The following GPATCH2 variants were observed in gnomAD, a reference collection of about 807,000 sequenced individuals.
GPATCH2 encodes the protein G-patch domain containing 2, also known as G patch domain-containing protein 2.
GPATCH2 carries 51 observed loss-of-function variants against 58.0 expected under a neutral mutation model. That is an observed-to-expected ratio of 0.88 (90% CI 0.70 to 1.11). The LOEUF is 1.11. Ranked by LOEUF, GPATCH2 falls within the 50% of genes most tolerant of loss-of-function variation. GPATCH2 has a pLI of 0.00. For missense variants in GPATCH2, 625 were observed against 652.2 expected, an observed-to-expected ratio of 0.96 and a Z score of 0.45; for synonymous variants, 222 against 218.5, an observed-to-expected ratio of 1.02 and a Z score of -0.14.
chr1:217,459,128 T>C (rs550410580), intron 8 of GPATCH2, among the ~76,000 whole-genome samples: 95 of 152,322 alleles, frequency 6.2e-4, no homozygotes, highest in African/African-American at 2.2e-3. Context: ...ATAACACTTC[T>C]TTCTTGAACT....
At chr1:217,626,228 A>G (rs1353737066) in intron 1 of GPATCH2, among the ~76,000 whole-genome samples, 1 of 152,208 alleles carries the variant, frequency 6.6e-6, no homozygotes, top group Non-Finnish European at 1.5e-5. Context: ...GGGAATAAAT[A>G]ATCATTAATG....
chr1:217,496,463 TGTTTG>T (rs1367991064), intron 7 of GPATCH2, among the ~76,000 whole-genome samples: 13 of 152,308 alleles, frequency 8.5e-5, no homozygotes, highest in Middle Eastern at 3.4e-3. Flanking sequence ...TTTGTTTGTT[TGTTTG>T]TTTTGCATAA....
intron 5 of GPATCH2, among the ~76,000 whole-genome samples, chr1:217,564,942 T>C (rs1395587173): frequency 6.6e-6 from 1 of 152,154 alleles, no homozygotes; most frequent in Admixed American, 6.5e-5. Flanking sequence ...TAAATACTTT[T>C]GTTCTGCCTC....
intron 6 of GPATCH2, among the ~76,000 whole-genome samples, chr1:217,511,251 C>T (rs1213267138): frequency 6.6e-6 from 1 of 152,038 alleles, no homozygotes; most frequent in Non-Finnish European, 1.5e-5. Context: ...GTTTACAGCC[C>T]GGAAAGATTT....
At chr1:217,559,850 T>A (rs1034209645) in intron 5 of GPATCH2, among the ~76,000 whole-genome samples, 2 of 143,074 alleles carry the variant, frequency 1.4e-5, no homozygotes, top group African/African-American at 5.2e-5. Context: ...GAGACAGAGA[T>A]CAAGAGACAC....
At chr1:217,483,496 T>C (rs1271199044) in intron 8 of GPATCH2, among the ~76,000 whole-genome samples, 2 of 152,130 alleles carry the variant, frequency 1.3e-5, no homozygotes. Context: ...CCCCATTGCT[T>C]TTTTTGGAGA....
intron 6 of GPATCH2, among the ~76,000 whole-genome samples, chr1:217,502,360 T>A (rs1441030985): frequency 6.6e-6 from 1 of 152,050 alleles, no homozygotes; most frequent in Non-Finnish European, 1.5e-5. Flanking sequence ...AACCATGAAG[T>A]CTCTTCATTT....
chr1:217,565,133 T>C (rs1666153417), intron 5 of GPATCH2, among the ~76,000 whole-genome samples: 1 of 152,198 alleles, frequency 6.6e-6, no homozygotes, highest in Admixed American at 6.5e-5. Context: ...TTTGAGATTT[T>C]AGTCACTGAA....
intron 5 of GPATCH2, among the ~76,000 whole-genome samples, chr1:217,569,122 T>TA (rs879715276): frequency 5.6e-4 from 82 of 145,560 alleles, no homozygotes; most frequent in Admixed American, 2.7e-3. Flanking sequence ...ATATTTACTT[T>TA]AAAAAAAAAA....
At chr1:217,564,667 G>A (rs1177569321) in intron 5 of GPATCH2, among the ~76,000 whole-genome samples, 1 of 151,982 alleles carries the variant, frequency 6.6e-6, no homozygotes, top group African/African-American at 2.4e-5. Context: ...TATGTGTGTT[G>A]AACAACCAAG....
intron 5 of GPATCH2, among the ~76,000 whole-genome samples, chr1:217,583,693 A>C (rs1667186072): frequency 6.6e-6 from 1 of 152,052 alleles, no homozygotes. Context: ...CAGGAAGCAC[A>C]ACATAAAAAA....
chr1:217,590,084 G>A (rs970969380), intron 5 of GPATCH2, among the ~76,000 whole-genome samples: 2 of 149,858 alleles, frequency 1.3e-5, no homozygotes, highest in Non-Finnish European at 3.0e-5. Flanking sequence ...GTAGTGGCAC[G>A]ATCTTGGCTC....
chr1:217,435,396 C>A (rs1658776499), intron 9 of GPATCH2, among the ~76,000 whole-genome samples: 1 of 152,160 alleles, frequency 6.6e-6, no homozygotes, highest in Non-Finnish European at 1.5e-5. Flanking sequence ...AGATGAAAAT[C>A]TTGTATCGGC....
At chr1:217,438,607 A>G (rs1223925833) in intron 9 of GPATCH2, among the ~76,000 whole-genome samples, 1 of 152,206 alleles carries the variant, frequency 6.6e-6, no homozygotes, top group African/African-American at 2.4e-5. Flanking sequence ...CAAGCGGAAG[A>G]AAATATATCA....
At chr1:217,606,853 AATC>A (rs2102805749) in intron 5 of GPATCH2, among the ~76,000 whole-genome samples, 1 of 152,314 alleles carries the variant, frequency 6.6e-6, no homozygotes, top group African/African-American at 2.4e-5. Context: ...TAATAGTAAC[AATC>A]ATTTATTTAA....
chr1:217,449,213 C>T (rs1404579641), intron 9 of GPATCH2, 36 bp downstream of exon 9: 4 of 1,040,366 alleles, frequency 3.8e-6, no homozygotes, highest in Non-Finnish European at 6.1e-6. Context: ...ATGAACTCTA[C>T]ATTTGTGCTC....
At chr1:217,475,818 A>G (rs1660941619) in intron 8 of GPATCH2, among the ~76,000 whole-genome samples, 1 of 152,198 alleles carries the variant, frequency 6.6e-6, no homozygotes. Context: ...AAATTTAACC[A>G]TCTCTGTTCT....
chr1:217,578,458 C>T (rs1417146299), intron 5 of GPATCH2, among the ~76,000 whole-genome samples: 2 of 152,102 alleles, frequency 1.3e-5, no homozygotes, highest in Non-Finnish European at 2.9e-5. Context: ...CACTATGATG[C>T]CCAGGGTGGT....
At chr1:217,477,086 T>A (rs1661002512) in intron 8 of GPATCH2, among the ~76,000 whole-genome samples, 1 of 152,064 alleles carries the variant, frequency 6.6e-6, no homozygotes, top group South Asian at 2.1e-4. Context: ...GAGGCCCTCT[T>A]TTCAGGGCCT....
Sources: allele counts gnomAD v4.1 joint callset (sites outside exome capture counted in the v4.1 genomes callset), GRCh38; gene constraint gnomAD v4.1.1; transcripts MANE v1.5; gene names NCBI Gene and HGNC (gene_info 2026-07-23, HGNC 2026-07-21).